The following RAP1GDS1 variants were observed in gnomAD, a reference collection of about 807,000 sequenced individuals.
RAP1GDS1 encodes the protein RAP1, GTP-GDP dissociation stimulator 1.
RAP1GDS1 carries 35 observed loss-of-function variants against 71.1 expected under a neutral mutation model. That is an observed-to-expected ratio of 0.49 (90% CI 0.38 to 0.65). The LOEUF (loss-of-function observed/expected upper bound fraction) is 0.65, where lower values mean the gene tolerates loss of function less well. RAP1GDS1 is among the 30% of genes least tolerant of loss of function. RAP1GDS1 has a pLI of 0.00. For missense variants in RAP1GDS1, 663 were observed against 706.1 expected (o/e 0.94, Z 0.69); for synonymous variants, 229 against 243.1 (o/e 0.94, Z 0.54).
intron 13 of RAP1GDS1, among the ~76,000 whole-genome samples, chr4:98,435,867 C>T (rs1218855972): frequency 2.6e-5 from 4 of 151,688 alleles, no homozygotes; most frequent in Non-Finnish European, 5.9e-5. Flanking sequence ...GTCAGGAGAT[C>T]GAGACCATCC....
At chr4:98,397,924 C>CTT in intron 6 of RAP1GDS1, among the ~76,000 whole-genome samples, 1 of 152,098 alleles carries the variant, frequency 6.6e-6, no homozygotes. Context: ...AGAACGTAGA[C>CTT]TTAAAGTTAT....
At chr4:98,385,055 A>G (rs1476237343) in intron 5 of RAP1GDS1, among the ~76,000 whole-genome samples, 2 of 151,710 alleles carry the variant, frequency 1.3e-5, no homozygotes, top group East Asian at 3.9e-4. Flanking sequence ...CCGTTATCAA[A>G]TATTATTTTC....
At chr4:98,400,028 G>A (rs1745141260) in intron 6 of RAP1GDS1, among the ~76,000 whole-genome samples, 1 of 151,980 alleles carries the variant, frequency 6.6e-6, no homozygotes, top group African/African-American at 2.4e-5. Context: ...TGGCACAGGT[G>A]TATAGTCCCA....
chr4:98,285,366 A>G (rs1429553596), intron 1 of RAP1GDS1, among the ~76,000 whole-genome samples: 2 of 152,198 alleles, frequency 1.3e-5, no homozygotes, highest in African/African-American at 2.4e-5. Context: ...AGAAATGTAT[A>G]TGCTTAAAGA....
Position 98,434,005 on chromosome 4 carries a change from G to C in RAP1GDS1, c.1510G>C (p.Val504Leu). Residue 504 changes from valine (V) to leucine (L), a missense_variant, in exon 13 of 15, where the codon GTA becomes CTA. Val to Leu is a conservative substitution (Grantham distance 32). Coordinates refer to ENST00000408927, the MANE Select transcript of RAP1GDS1 (RefSeq NM_001100427.2). Reference protein sequence around the residue: ...HLVTMATSEHVIMQNEALVAL... With the variant: ...HLVTMATSEHLIMQNEALVAL... Reference sequence around the variant, plus strand: ...AGTTACCATGGCAACTAGTGAACATGTAATAATGCAGAATGAAGCTCTTGT... The same window carrying C: ...AGTTACCATGGCAACTAGTGAACATCTAATAATGCAGAATGAAGCTCTTGT... The C allele has an allele frequency of 6.2e-7, 1 of 1,613,748 alleles. No individual in the cohort carries two copies. The highest frequency in any genetic ancestry group is 8.5e-7 in the Non-Finnish European group (1 of 1,179,684).
chr4:98,365,520 G>C (rs1739359320), intron 4 of RAP1GDS1, among the ~76,000 whole-genome samples: 1 of 152,094 alleles, frequency 6.6e-6, no homozygotes, highest in African/African-American at 2.4e-5. Flanking sequence ...CTACTTGGGA[G>C]GCTGATGTGG....
chr4:98,296,536 T>G (rs1310087621), intron 2 of RAP1GDS1, among the ~76,000 whole-genome samples: 1 of 152,158 alleles, frequency 6.6e-6, no homozygotes, highest in African/African-American at 2.4e-5. Context: ...TGATCTAAAT[T>G]AATATAAAGT....
intron 3 of RAP1GDS1, among the ~76,000 whole-genome samples, chr4:98,344,433 T>G (rs1326365434): frequency 6.6e-6 from 1 of 152,164 alleles, no homozygotes; most frequent in East Asian, 1.9e-4. Context: ...AGGTAGAGAC[T>G]CCACAATTTT....
At chr4:98,315,480 A>G (rs1000854623) in intron 2 of RAP1GDS1, among the ~76,000 whole-genome samples, 4 of 152,064 alleles carry the variant, frequency 2.6e-5, no homozygotes, top group African/African-American at 7.3e-5. Context: ...GGAATGCTGA[A>G]TTTTGAAAAC....
intron 4 of RAP1GDS1, among the ~76,000 whole-genome samples, chr4:98,358,437 A>T (rs1738255565): frequency 6.6e-6 from 1 of 152,050 alleles, no homozygotes; most frequent in Non-Finnish European, 1.5e-5. Context: ...AAACTTGCTT[A>T]AAGGATTCAG....
intron 2 of RAP1GDS1, among the ~76,000 whole-genome samples, chr4:98,303,698 TA>T (rs1271756995): frequency 3.3e-5 from 5 of 150,400 alleles, no homozygotes; most frequent in African/African-American, 9.7e-5. Flanking sequence ...GAGAACTTTT[TA>T]AAAAAAATTA....
chr4:98,282,807 C>T (rs1725348914), intron 1 of RAP1GDS1, among the ~76,000 whole-genome samples: 1 of 152,110 alleles, frequency 6.6e-6, no homozygotes, highest in Non-Finnish European at 1.5e-5. Flanking sequence ...CCCAGAGATT[C>T]TGGTGTGTTG....
chr4:98,365,694 G>A (rs756826021), intron 4 of RAP1GDS1, among the ~76,000 whole-genome samples: 6 of 152,046 alleles, frequency 3.9e-5, no homozygotes, highest in South Asian at 2.1e-4. Context: ...AATGATATAA[G>A]GAATTTATAC....
chr4:98,360,788 A>G (rs935206356), intron 4 of RAP1GDS1, among the ~76,000 whole-genome samples: 4 of 152,126 alleles, frequency 2.6e-5, no homozygotes, highest in East Asian at 3.8e-4. Flanking sequence ...TGAATAATTC[A>G]GGGCCAGGCA....
chr4:98,330,209 A>T (rs1013060063), intron 2 of RAP1GDS1, among the ~76,000 whole-genome samples: 1 of 152,208 alleles, frequency 6.6e-6, no homozygotes, highest in Non-Finnish European at 1.5e-5. Context: ...GGAGTCTCCT[A>T]TGTCTACTTC....
chr4:98,273,389 T>G (rs2110235706), intron 1 of RAP1GDS1, among the ~76,000 whole-genome samples: 1 of 152,176 alleles, frequency 6.6e-6, no homozygotes, highest in African/African-American at 2.4e-5. Context: ...AAGGGAAAAA[T>G]ATATATGAGA....
intron 4 of RAP1GDS1, among the ~76,000 whole-genome samples, chr4:98,371,324 G>T (rs1740351990): frequency 6.6e-6 from 1 of 151,776 alleles, no homozygotes; most frequent in Non-Finnish European, 1.5e-5. Flanking sequence ...ACCTTGTCGG[G>T]CCAGGCTGGT....
intron 1 of RAP1GDS1, among the ~76,000 whole-genome samples, chr4:98,272,481 G>C (rs1030854103): frequency 6.6e-6 from 1 of 152,096 alleles, no homozygotes; most frequent in Non-Finnish European, 1.5e-5. Context: ...TTCATAGCTC[G>C]GTTCGTTCAA....
At chr4:98,331,899 T>G (rs1413767699) in intron 2 of RAP1GDS1, among the ~76,000 whole-genome samples, 1 of 152,168 alleles carries the variant, frequency 6.6e-6, no homozygotes, top group Non-Finnish European at 1.5e-5. Context: ...TTATTATTAT[T>G]TATTTTAACC....
Sources: gnomAD v4.1 joint callset for allele counts (sites outside exome capture counted in the v4.1 genomes callset) on GRCh38, gnomAD v4.1.1 for gene constraint, MANE v1.5 for transcripts, NCBI Gene and HGNC (gene_info 2026-07-23, HGNC 2026-07-21) for gene names.